SYNE1: variants seen among roughly 807,000 people sequenced by gnomAD.
SYNE1 encodes the protein spectrin repeat containing nuclear envelope protein 1.
A neutral mutation model predicts 1,111.0 loss-of-function variants in SYNE1; 616 were observed. That is an observed-to-expected ratio of 0.55 (90% CI 0.52 to 0.59). The LOEUF (loss-of-function observed/expected upper bound fraction) is 0.59, where lower values mean the gene tolerates loss of function less well. SYNE1 is among the 20% of genes least tolerant of loss of function. The probability of loss-of-function intolerance (pLI) is 0.00; values close to 1 mark genes in which losing one functional copy is unlikely to be tolerated. For missense variants in SYNE1, 10,006 were observed against 10,417.0 expected (o/e 0.96, Z 1.72); for synonymous variants, 3,855 against 3,825.8 (o/e 1.01, Z -0.28).
At chr6:152,624,818 C>T (rs2099682621) in intron 3 of SYNE1, among the ~76,000 whole-genome samples, 1 of 152,164 alleles carries the variant, frequency 6.6e-6, no homozygotes, top group African/African-American at 2.4e-5. Flanking sequence ...GTAGCAATCT[C>T]TGTGTGTGCT....
chr6:152,429,086 G>GCAA, intron 36 of SYNE1, among the ~76,000 whole-genome samples: 2 of 144,688 alleles, frequency 1.4e-5, no homozygotes, highest in Middle Eastern at 7.2e-3. Flanking sequence ...TATCTCAATA[G>GCAA]TAATAATAAT....
In SYNE1 at chr6:152,318,080, C is replaced by T; in HGVS notation, c.16572+1G>A. 2.5e-6 allele frequency: 4 copies of T among 1,614,182 alleles called. No homozygotes were observed. Among genetic ancestry groups the T allele is most frequent in the Non-Finnish European group, 3.4e-6 (4 of 1,180,042 alleles). On this transcript the variant is annotated splice_donor_variant, in intron 86 of 145. Transcript: ENST00000367255. LOFTEE classifies it high-confidence loss of function. The stretch of plus-strand genomic sequence containing the variant: ...TTGGATTTCTGGCCCGGAACACATA[C>T]CTGATTGAGCTTGGAGAGCCGATTC...
At chr6:152,497,553 C>G (rs1442119583) in intron 11 of SYNE1, among the ~76,000 whole-genome samples, 1 of 152,152 alleles carries the variant, frequency 6.6e-6, no homozygotes, top group African/African-American at 2.4e-5. Context: ...AGGCTGCTCA[C>G]CAACTTCTGG....
At position 152,352,225 on chromosome 6, in the gene SYNE1, C is replaced by T; in HGVS notation, c.11382G>A (p.Met3794Ile). Residue 3794 changes from methionine to isoleucine, a missense_variant, in exon 70 of 146, where the codon ATG (methionine) becomes ATA (isoleucine). By Grantham distance (10) the Met-to-Ile change is conservative. Coordinates refer to ENST00000367255, the MANE Select transcript of SYNE1 (RefSeq NM_182961.4). Reference protein sequence around the residue: ...ERLRKEIHDHMEQLKELTSTV... With the variant: ...ERLRKEIHDHIEQLKELTSTV... ...TGCTGGTCAGTTCCTTCAACTGCTC[C>T]ATGTGATCATGAATCTCCTTTCTTA... is the stretch of plus-strand genomic sequence containing the variant. 2 of 1,614,122 alleles carry T rather than the reference C, an allele frequency of 1.2e-6. No individual in the cohort carries two copies. The highest frequency in any genetic ancestry group is 1.7e-6 in the Non-Finnish European group (2 of 1,180,028).
chr6:152,433,046 T>C (rs1490865583), intron 34 of SYNE1, among the ~76,000 whole-genome samples: 1 of 151,764 alleles, frequency 6.6e-6, no homozygotes, highest in Non-Finnish European at 1.5e-5. Flanking sequence ...GTATTTATTT[T>C]ACTATATTTA....
At position 152,148,124 on chromosome 6, in the gene SYNE1, C is replaced by T. The variant is rs750053227; in HGVS notation, c.24897G>A (p.Met8299Ile). Residue 8299 changes from methionine (M) to isoleucine (I), a missense_variant, in exon 137 of 146, where the codon ATG becomes ATA. Coordinates refer to ENST00000367255, the MANE Select transcript of SYNE1 (RefSeq NM_182961.4). The surrounding 1 kb of genome is among the most constrained non-coding windows in gnomAD (Gnocchi z 4.1). The part of the protein sequence containing the change: ...YDLSRDLESA[M>I]SRALPSEDEE... ...CATCCTCAGAGGGCAGAGCTCTGGA[C>T]ATTGCAGACTCCAGGTCCCGACTGA... The T allele has an allele frequency of 1.2e-6, 2 of 1,614,090 alleles. No homozygotes were observed. The highest frequency in any genetic ancestry group is 1.3e-5 in the African/African-American group (1 of 74,932).
At chr6:152,423,535 A>G (rs1036419722) in intron 39 of SYNE1, among the ~76,000 whole-genome samples, 1 of 152,124 alleles carries the variant, frequency 6.6e-6, no homozygotes, top group African/African-American at 2.4e-5. Context: ...TTCTTGCCTG[A>G]CCTTCAACAG....
intron 6 of SYNE1, among the ~76,000 whole-genome samples, chr6:152,518,335 G>A (rs2099122765): frequency 6.6e-6 from 1 of 151,804 alleles, no homozygotes; most frequent in Non-Finnish European, 1.5e-5. Flanking sequence ...ACAGGAGGGC[G>A]AGTTCTTATC....
At chr6:152,503,919 T>C (rs148663016) in intron 9 of SYNE1, among the ~76,000 whole-genome samples, 1 of 152,318 alleles carries the variant, frequency 6.6e-6, no homozygotes, top group African/African-American at 2.4e-5. Flanking sequence ...GTCTACCTAA[T>C]CTGTATTCCT....
At chr6:152,254,371 C>T (rs2090322402) in intron 104 of SYNE1, among the ~76,000 whole-genome samples, 1 of 149,906 alleles carries the variant, frequency 6.7e-6, no homozygotes, top group East Asian at 2.0e-4. Flanking sequence ...CCTGCCTCAG[C>T]CTCCAAGTAG....
intron 3 of SYNE1, among the ~76,000 whole-genome samples, chr6:152,598,166 T>C (rs1428102707): frequency 6.6e-6 from 1 of 152,150 alleles, no homozygotes; most frequent in African/African-American, 2.4e-5. Flanking sequence ...CCATGTGTTG[T>C]AGGAGGGACC....
At chr6:152,133,536 G>A in intron 142 of SYNE1, 48 bp from the exon 143 acceptor site, 1 of 1,577,078 alleles carries the variant, frequency 6.3e-7, no homozygotes, top group East Asian at 2.3e-5. Context: ...TTTGATAATT[G>A]GCAAAAGCTC....
intron 3 of SYNE1, among the ~76,000 whole-genome samples, chr6:152,565,346 A>G (rs1221420437): frequency 1.3e-5 from 2 of 152,210 alleles, no homozygotes; most frequent in African/African-American, 2.4e-5. Context: ...CTGAATCCTT[A>G]AAAGCTGGGC....
At chr6:152,369,311 G>A (rs2097137940) in intron 60 of SYNE1, 160 bp downstream of exon 60, 1 of 1,362,680 alleles carries the variant, frequency 7.3e-7, no homozygotes, top group African/African-American at 1.4e-5. Flanking sequence ...TACTTCCAAG[G>A]AAAGTCAGAA....
chr6:152,568,500 A>G (rs1279237501), intron 3 of SYNE1, among the ~76,000 whole-genome samples: 1 of 151,940 alleles, frequency 6.6e-6, no homozygotes, highest in African/African-American at 2.4e-5. Flanking sequence ...ATGGGGTTTC[A>G]CCATCTTGGC....
At chr6:152,264,223 A>G (rs1303839424) in intron 100 of SYNE1, among the ~76,000 whole-genome samples, 1 of 151,056 alleles carries the variant, frequency 6.6e-6, no homozygotes, top group Non-Finnish European at 1.5e-5. Context: ...AAAAAAAAAA[A>G]AAAAAAAAAG....
At chr6:152,573,118 G>A (rs527656011) in intron 3 of SYNE1, among the ~76,000 whole-genome samples, 1 of 152,150 alleles carries the variant, frequency 6.6e-6, no homozygotes, top group African/African-American at 2.4e-5. Context: ...GGCACTTAGA[G>A]GTGGAGACTC....
At chr6:152,310,983 G>C in intron 87 of SYNE1, 110 bp from the exon 88 acceptor site, 1 of 1,139,872 alleles carries the variant, frequency 8.8e-7, no homozygotes, top group Non-Finnish European at 1.3e-6. Context: ...GTCCGTTATT[G>C]TGTTTAACCT....
At chr6:152,154,033 G>C (rs909308010) in intron 133 of SYNE1, among the ~76,000 whole-genome samples, 2 of 152,178 alleles carry the variant, frequency 1.3e-5, no homozygotes, top group African/African-American at 4.8e-5. Context: ...CGAGGAACTT[G>C]GGGGCATAAT....
Sources: allele counts gnomAD v4.1 joint callset (sites outside exome capture counted in the v4.1 genomes callset), GRCh38; gene constraint gnomAD v4.1.1; non-coding constraint Gnocchi (gnomAD v3.1); transcripts MANE v1.5; gene names NCBI Gene and HGNC (gene_info 2026-07-23, HGNC 2026-07-21).